The following SBF2 variants were observed in gnomAD, a reference collection of about 807,000 sequenced individuals.
The protein encoded by SBF2 is SET binding factor 2.
A neutral mutation model predicts 225.2 loss-of-function variants in SBF2; 112 were observed. The ratio of observed to expected loss-of-function variants is 0.50; its 90% CI spans 0.43 to 0.58. The LOEUF is 0.58. Ranked by LOEUF, SBF2 falls within the 20% of genes least tolerant of loss-of-function variation. The pLI is 0.00. For synonymous variants in SBF2, 763 were observed against 773.3 expected, an observed-to-expected ratio of 0.99 and a Z score of 0.22; for missense variants, 1,996 against 2,206.2, an observed-to-expected ratio of 0.90 and a Z score of 1.91.
At chr11:10,298,926 A>T (rs148633368), upstream of SBF2, among the ~76,000 whole-genome samples, 798 of 152,314 alleles carry the variant, frequency 5.2e-3, 9 homozygotes, top group African/African-American at 0.018. Flanking sequence ...TATAGGTAAA[A>T]GTTAAGGACA....
At chr11:10,230,831 T>A (rs1352624581) in intron 1 of SBF2, among the ~76,000 whole-genome samples, 2 of 152,174 alleles carry the variant, frequency 1.3e-5, no homozygotes, top group Non-Finnish European at 2.9e-5. Context: ...GCGTTCTCTG[T>A]ATTTCCTGAA....
At chr11:9,786,706 C>G (rs1852395327) in intron 36 of SBF2, among the ~76,000 whole-genome samples, 1 of 152,182 alleles carries the variant, frequency 6.6e-6, no homozygotes, top group Admixed American at 6.5e-5. Context: ...ACTGTATGCT[C>G]TCTGTGCCTG....
rs145723787 is a variant in SBF2 at position 9,808,998 on chromosome 11, T to C, written c.4160A>G (p.His1387Arg). Residue 1387 changes from histidine (H) to arginine (R), a missense_variant, in exon 31 of 40, where the codon CAC (histidine) becomes CGC (arginine). By Grantham distance (29) the His-to-Arg change is conservative. Transcript: ENST00000256190. The part of the protein sequence containing the change: ...LGDSEWFPQL[H>R]RIMQLAVVVS... ...AACCACAGCCAGCTGCATTATCCTG[T>C]GAAGCTAAGAGACAGGAAGGAGAAC... 7 of 1,613,334 alleles carry C rather than the reference T, an allele frequency of 4.3e-6. No homozygotes were observed. Among genetic ancestry groups the C allele is most frequent in the Non-Finnish European group, 5.9e-6 (7 of 1,179,278 alleles).
In SBF2 at chr11:9,804,829, T is replaced by A. The variant is rs537235963; in HGVS notation, c.4443+3171A>T. On this transcript the variant is annotated intron_variant, in intron 32 of 39. Coordinates refer to ENST00000256190, the MANE Select transcript of SBF2 (RefSeq NM_030962.4). ...CACTGAATTAATATGCCAGAATTTG[T>A]TCATCTCTTCATCGGTTGATGGACA... 6.6e-5 allele frequency among the ~76,000 whole-genome samples: 10 copies of A among 152,352 alleles called. No homozygotes were observed. In the South Asian group the frequency reaches 1.0e-3, roughly 16 times the overall value.
rs1306423491 is a variant in SBF2, at chr11:9,962,044, T to C, written c.1773A>G (p.Glu591=). 6.2e-7 allele frequency: 1 copy of C among 1,614,050 alleles called. No homozygotes were observed. The highest frequency in any genetic ancestry group is 8.5e-7 in the Non-Finnish European group (1 of 1,179,946). Residue 591 remains glutamate (E), a synonymous_variant, in exon 16 of 40, where the codon GAA becomes GAG. Transcript: ENST00000256190. ...GKAARQCLTD[E]LGLHVQQNRA... is the part of the protein sequence containing the mutation. ...GGTTTTGCTGGACATGCAAACCCAA[T>C]TCATCAGTGAGACACTGTCTTGCTG...
chr11:10,166,071 T>C (rs75019065), intron 2 of SBF2, among the ~76,000 whole-genome samples: 11,133 of 152,204 alleles, frequency 0.073, 590 homozygotes, highest in East Asian at 0.28. Context: ...CATTGCCACA[T>C]TGGTTTTATT....
Position 9,839,662 on chromosome 11 carries a change from G to C in SBF2, c.3291C>G (p.Thr1097=). The part of the protein sequence containing the change: ...SDESELPTST[T]LKASEKSTME... ...TTGTAGACTTCTCGGAGGCCTTCAG[G>C]GTGGTACTTGTGGGGAGCTCACTCT... The change falls in exon 26 of 40, where the codon ACC becomes ACG. Residue 1097 remains threonine (T), a synonymous_variant. Transcript: ENST00000256190. 1 of 1,614,128 alleles carries C rather than the reference G, an allele frequency of 6.2e-7. No homozygotes were observed. The highest frequency in any genetic ancestry group is 8.5e-7 in the Non-Finnish European group (1 of 1,179,996).
intron 2 of SBF2, among the ~76,000 whole-genome samples, chr11:10,070,545 T>C (rs1950823645): frequency 6.6e-6 from 1 of 152,260 alleles, no homozygotes; most frequent in South Asian, 2.1e-4. Context: ...AGCACCATGC[T>C]GTTTTGGTTA....
chr11:10,081,668 G>T (rs1951368905), intron 2 of SBF2, among the ~76,000 whole-genome samples: 1 of 151,508 alleles, frequency 6.6e-6, no homozygotes, highest in East Asian at 2.0e-4. Flanking sequence ...GCTGAGGCAG[G>T]AGGATCGCTT....
intron 2 of SBF2, among the ~76,000 whole-genome samples, chr11:10,191,213 C>T (rs576442238): frequency 6.6e-6 from 1 of 152,266 alleles, no homozygotes; most frequent in African/African-American, 2.4e-5. Context: ...CAACAAACCA[C>T]TTAAGGATTA....
chr11:9,969,075 C>T (rs1867155958), intron 13 of SBF2, among the ~76,000 whole-genome samples: 1 of 152,170 alleles, frequency 6.6e-6, no homozygotes, highest in Non-Finnish European at 1.5e-5. Context: ...AATCTTCACC[C>T]ACCTCTATCC....
At chr11:9,884,409 T>A (rs1289104934) in intron 17 of SBF2, among the ~76,000 whole-genome samples, 1 of 152,186 alleles carries the variant, frequency 6.6e-6, no homozygotes, top group Admixed American at 6.5e-5. Flanking sequence ...TTTTAGCTTT[T>A]AAAAATGAAA....
At chr11:10,080,248 C>CAAAAAAAAAAAAAAAAAAAAAATAAAA (rs34181436) in intron 2 of SBF2, among the ~76,000 whole-genome samples, 1 of 82,226 alleles carries the variant, frequency 1.2e-5, no homozygotes, top group African/African-American at 5.1e-5. Flanking sequence ...AACTCTGTCT[C>CAAAAAAAAAAAAAAAAAAAAAATAAAA]AAAAAAAAAA....
At chr11:10,195,984 TG>T (rs1308372292) in intron 1 of SBF2, among the ~76,000 whole-genome samples, 1 of 152,074 alleles carries the variant, frequency 6.6e-6, no homozygotes, top group East Asian at 1.9e-4. Context: ...GGTACACAAA[TG>T]AAAAAGACAT....
intron 2 of SBF2, among the ~76,000 whole-genome samples, chr11:10,165,357 C>T (rs989434734): frequency 6.6e-6 from 1 of 152,160 alleles, no homozygotes; most frequent in Non-Finnish European, 1.5e-5. Context: ...TTTACATTAT[C>T]CAATGCCTTG....
intron 28 of SBF2, among the ~76,000 whole-genome samples, chr11:9,824,144 G>T (rs559647424): frequency 6.6e-6 from 1 of 152,222 alleles, no homozygotes; most frequent in African/African-American, 2.4e-5. Context: ...CAGCCTTCTG[G>T]GTGCCTTTAG....
intron 1 of SBF2, among the ~76,000 whole-genome samples, chr11:10,264,311 A>C (rs559981407): frequency 2.8e-4 from 42 of 151,854 alleles, no homozygotes; most frequent in Non-Finnish European, 5.6e-4. Flanking sequence ...AAAAATGTTG[A>C]GAATAACTGA....
rs536619626 is a variant in SBF2 at position 9,850,322 on chromosome 11, C to T, written c.2611-104G>A. 67 of 1,023,004 alleles carry T rather than the reference C, an allele frequency of 6.5e-5. No individual in the cohort carries two copies. In the South Asian group the frequency reaches 8.8e-4, roughly 13 times the overall value. 63.4% of individuals were successfully genotyped at this position (1,023,004 alleles called of 1,614,324 possible). A position where few individuals can be genotyped will look rare whatever the true frequency, so the allele number is the denominator to read the frequency against. On this transcript the variant is annotated intron_variant, in intron 21 of 39. Coordinates refer to ENST00000256190, the MANE Select transcript of SBF2 (RefSeq NM_030962.4). ...CCAGCCTAGAATACAGTAGTGCAAT[C>T]ATAGTTCACTGCAGCATCAAACTCC...
intron 1 of SBF2, among the ~76,000 whole-genome samples, chr11:10,258,481 GC>G (rs1169120992): frequency 3.9e-5 from 6 of 152,078 alleles, no homozygotes; most frequent in African/African-American, 1.2e-4. Context: ...CTCTTCACAG[GC>G]CATTGCCTGG....
Sources: allele counts gnomAD v4.1 joint callset (sites outside exome capture counted in the v4.1 genomes callset), GRCh38; gene constraint gnomAD v4.1.1; transcripts MANE v1.5; gene names NCBI Gene and HGNC (gene_info 2026-07-23, HGNC 2026-07-21).